SFMBT2: variants seen among roughly 807,000 people sequenced by gnomAD.
SFMBT2 encodes the protein Scm like with four mbt domains 2.
A neutral mutation model predicts 110.1 loss-of-function variants in SFMBT2; 38 were observed. That is an observed-to-expected ratio of 0.35 (90% CI 0.27 to 0.45). The LOEUF is 0.45. SFMBT2 is among the 20% of genes least tolerant of loss of function. SFMBT2 has a pLI of 1.00. For synonymous variants in SFMBT2, 425 were observed against 425.4 expected (o/e 1.00, Z 0.01); for missense variants, 1,011 against 1,094.9 (o/e 0.92, Z 1.08).
intron 4 of SFMBT2, among the ~76,000 whole-genome samples, chr10:7,362,912 C>T (rs902534592): frequency 2.6e-5 from 4 of 152,248 alleles, no homozygotes; most frequent in African/African-American, 9.6e-5. Flanking sequence ...ATCTTAACTC[C>T]AAACTAAACT....
rs17142628 is a variant in SFMBT2, at chr10:7,300,893, T to C, written c.437-14939A>G. Among the ~76,000 whole-genome samples, 258 of 152,370 alleles carry C rather than the reference T, an allele frequency of 1.7e-3. 4 individuals carry two copies. In the East Asian group the frequency reaches 0.042, roughly 25 times the overall value. ...TTAGACTGTTTGGAATTTAGCATTA[T>C]ACAGTTAGAAAGATGATAAATTGCT... is the stretch of plus-strand genomic sequence containing the variant. On this transcript the variant is annotated intron_variant, in intron 4 of 20. Transcript: ENST00000397167.
intron 7 of SFMBT2, among the ~76,000 whole-genome samples, chr10:7,269,715 CGT>C (rs35063251): frequency 0.18 from 7,067 of 38,400 alleles, 195 homozygotes; most frequent in Middle Eastern, 0.25. Context: ...TAAGTGTGTG[CGT>C]GTGTGTGTGT....
At chr10:7,282,509 G>T (rs1185557982) in intron 6 of SFMBT2, among the ~76,000 whole-genome samples, 1 of 152,180 alleles carries the variant, frequency 6.6e-6, no homozygotes, top group Non-Finnish European at 1.5e-5. Context: ...GCAAACCCGG[G>T]CTTACATCCT....
intron 10 of SFMBT2, among the ~76,000 whole-genome samples, chr10:7,223,160 C>T (rs953140754): frequency 1.1e-4 from 16 of 152,134 alleles, no homozygotes; most frequent in South Asian, 2.1e-4. Flanking sequence ...GAGATGGGAC[C>T]GCTAGACCAT....
At chr10:7,228,195 G>A (rs555540313) in intron 9 of SFMBT2, 10 of 196,380 alleles carry the variant, frequency 5.1e-5, no homozygotes, top group South Asian at 1.8e-4. Context: ...GGCACCAGCC[G>A]GTGGGGGGAT....
At chr10:7,288,226 A>G (rs2131851175) in intron 4 of SFMBT2, among the ~76,000 whole-genome samples, 1 of 152,260 alleles carries the variant, frequency 6.6e-6, no homozygotes, top group East Asian at 1.9e-4. Flanking sequence ...CCGCCCACGC[A>G]CAAGGATGAT....
chr10:7,297,489 G>C (rs1033077608), intron 4 of SFMBT2, among the ~76,000 whole-genome samples: 2 of 152,060 alleles, frequency 1.3e-5, no homozygotes, highest in Non-Finnish European at 2.9e-5. Context: ...CAGGGGCTCA[G>C]AGCTAAATAA....
In SFMBT2 at chr10:7,160,475, A is replaced by G. The variant is rs1588749586; in HGVS notation, c.*3295T>C. On this transcript the variant is annotated 3_prime_UTR_variant, in exon 21 of 21. Transcript: ENST00000397167. ...TGCAGAGTCTCCCGGGCCAGTTCCAATAAGTTCCAAGTGGCATGATGCCCA... is the reference window on the plus strand; with the variant it reads ...TGCAGAGTCTCCCGGGCCAGTTCCAGTAAGTTCCAAGTGGCATGATGCCCA... The G allele has an allele frequency of 6.6e-6, 1 of 152,180 alleles. No homozygotes were observed. The highest frequency in any genetic ancestry group is 1.5e-5 in the Non-Finnish European group (1 of 68,040). 9.4% of individuals were successfully genotyped at this position (152,180 alleles called of 1,614,324 possible).
At chr10:7,266,331 C>CA (rs144861928) in intron 7 of SFMBT2, among the ~76,000 whole-genome samples, 75,909 of 151,294 alleles carry the variant, frequency 0.5, 20,276 homozygotes, top group East Asian at 0.81. Flanking sequence ...CTCAGGTGAT[C>CA]CACCCACCTC....
intron 4 of SFMBT2, among the ~76,000 whole-genome samples, chr10:7,342,259 C>T (rs1466372187): frequency 2.6e-5 from 4 of 152,122 alleles, no homozygotes; most frequent in Non-Finnish European, 5.9e-5. Flanking sequence ...TATTGACCTA[C>T]TGCCAATATG....
chr10:7,308,365 A>C lies in SFMBT2; in HGVS notation c.437-22411T>G, dbSNP rs550639569. On this transcript the variant is annotated intron_variant, in intron 4 of 20. Coordinates refer to ENST00000397167, the MANE Select transcript of SFMBT2 (RefSeq NM_001387889.1). ...GGAGAGAGAGACCCCATCTCAAAAA[A>C]CAAACAAACAACAACAAAAATTTAG... Among the ~76,000 whole-genome samples, 200 of 146,500 alleles carry C rather than the reference A, an allele frequency of 1.4e-3. 2 individuals carry two copies. Among genetic ancestry groups the C allele is most frequent in the African/African-American group, 5.3e-3 (193 of 36,194 alleles).
intron 4 of SFMBT2, among the ~76,000 whole-genome samples, chr10:7,366,329 A>G (rs1454610618): frequency 6.6e-6 from 1 of 151,830 alleles, no homozygotes; most frequent in Middle Eastern, 3.2e-3. Flanking sequence ...AACTCCAGCC[A>G]TTTTATGACC....
intron 1 of SFMBT2, among the ~76,000 whole-genome samples, chr10:7,388,680 G>T (rs1290236257): frequency 6.6e-6 from 1 of 151,674 alleles, no homozygotes; most frequent in Admixed American, 6.6e-5. Flanking sequence ...CCCACCAGAA[G>T]GATGATAATT....
At chr10:7,287,932 A>G (rs1842145019) in intron 4 of SFMBT2, among the ~76,000 whole-genome samples, 1 of 152,244 alleles carries the variant, frequency 6.6e-6, no homozygotes, top group Non-Finnish European at 1.5e-5. Context: ...TATTTTGCTT[A>G]TAAGGGGTGT....
chr10:7,319,896 C>T (rs111207980), intron 4 of SFMBT2, among the ~76,000 whole-genome samples: 1 of 123,598 alleles, frequency 8.1e-6, no homozygotes, highest in Non-Finnish European at 1.7e-5. Flanking sequence ...GACAGAGAGA[C>T]AGAGAGAGAC....
chr10:7,184,196 T>G (rs960811279), intron 16 of SFMBT2, among the ~76,000 whole-genome samples: 3 of 152,106 alleles, frequency 2.0e-5, no homozygotes, highest in East Asian at 1.9e-4. Context: ...AGCTGGTATG[T>G]TTTGGCTGTG....
intron 4 of SFMBT2, among the ~76,000 whole-genome samples, chr10:7,364,435 T>C (rs1844826482): frequency 6.6e-6 from 1 of 152,218 alleles, no homozygotes; most frequent in Non-Finnish European, 1.5e-5. Flanking sequence ...AGAGTGTGTG[T>C]GACTGCTGCC....
At chr10:7,355,611 G>C (rs894374491) in intron 4 of SFMBT2, among the ~76,000 whole-genome samples, 3 of 152,204 alleles carry the variant, frequency 2.0e-5, no homozygotes, top group Non-Finnish European at 4.4e-5. Context: ...AGGAGTTCAA[G>C]ACCAGCCTGG....
At chr10:7,289,339 C>T (rs1452435973) in intron 4 of SFMBT2, among the ~76,000 whole-genome samples, 2 of 152,176 alleles carry the variant, frequency 1.3e-5, no homozygotes, top group African/African-American at 2.4e-5. Context: ...TTCTAACATG[C>T]GTATAATCCA....
Sources: allele counts gnomAD v4.1 joint callset (sites outside exome capture counted in the v4.1 genomes callset), GRCh38; gene constraint gnomAD v4.1.1; transcripts MANE v1.5; gene names NCBI Gene and HGNC (gene_info 2026-07-23, HGNC 2026-07-21).